The following FRK variants were observed in gnomAD, a reference collection of about 807,000 sequenced individuals.
FRK encodes the protein tyrosine-protein kinase FRK.
FRK carries 51 observed loss-of-function variants against 56.4 expected under a neutral mutation model. That is an observed-to-expected ratio of 0.90 (90% CI 0.72 to 1.14). FRK has a LOEUF of 1.14. Among genes scored for constraint, FRK ranks in the 50% most tolerant of loss-of-function variants. The pLI, the probability that FRK is intolerant of heterozygous loss-of-function variation, is 0.00. For missense variants in FRK, 570 were observed against 601.4 expected, an observed-to-expected ratio of 0.95 and a Z score of 0.55; for synonymous variants, 245 against 217.9, an observed-to-expected ratio of 1.12 and a Z score of -1.10.
Position 115,958,820 on chromosome 6 carries a change from A to AAG in FRK, c.800-2211_800-2210insCT, listed in dbSNP as rs147739302. On this transcript the variant is annotated intron_variant, in intron 4 of 7. Transcript: ENST00000606080. ...AGAAAAAGAAAGAAAGAAAGAAAGA[A>AAG]AAAGAAAGAAAGAAAGAAAGAGAAA... Among the ~76,000 whole-genome samples the AAG allele has an allele frequency of 4.8e-4, 64 of 132,686 alleles. 2 individuals are homozygous for AAG. The highest frequency in any genetic ancestry group is 1.7e-3 in the African/African-American group (58 of 34,952). 87.0% of individuals were successfully genotyped at this position (132,686 alleles called of 152,430 possible).
the FRK span, among the ~76,000 whole-genome samples, chr6:116,076,811 C>G: frequency 6.6e-6 from 1 of 152,166 alleles, no homozygotes; most frequent in Non-Finnish European, 1.5e-5. Context: ...CACTGATTCT[C>G]TAAGTTAAAA....
chr6:116,053,095 T>A (rs1303411159), intron 1 of FRK, among the ~76,000 whole-genome samples: 1 of 151,974 alleles, frequency 6.6e-6, no homozygotes. Context: ...CATTACAGAG[T>A]CAAATTCAAA....
At chr6:115,969,705 A>T (rs1582662515) in intron 2 of FRK, among the ~76,000 whole-genome samples, 1 of 152,006 alleles carries the variant, frequency 6.6e-6, no homozygotes, top group Non-Finnish European at 1.5e-5. Flanking sequence ...TACTGATGGG[A>T]GTTTGGAGCT....
intron 1 of FRK, among the ~76,000 whole-genome samples, chr6:116,025,903 G>T (rs760462212): frequency 6.6e-6 from 1 of 152,074 alleles, no homozygotes; most frequent in Non-Finnish European, 1.5e-5. Flanking sequence ...ATGGCCTCTG[G>T]CCTCAGTTTC....
At chr6:116,000,245 TTTTTTTTTTTTTTTTGA>T (rs543209263) in intron 2 of FRK, among the ~76,000 whole-genome samples, 38,433 of 105,102 alleles carry the variant, frequency 0.37, 6,416 homozygotes, top group Middle Eastern at 0.46. Context: ...TTTTTTTTTT[TTTTTTTTTTTTTTTTGA>T]GACGGAGTCT....
intron 2 of FRK, among the ~76,000 whole-genome samples, chr6:115,990,851 A>T (rs1322082593): frequency 6.6e-6 from 1 of 151,820 alleles, no homozygotes; most frequent in Non-Finnish European, 1.5e-5. Context: ...GAATTTGTAG[A>T]TTGCCTTGGG....
rs568521527 is a variant in FRK, at chr6:115,937,490, G to A, written c.*4924C>T. On this transcript the variant is annotated 3_prime_UTR_variant, in exon 8 of 8. Transcript: ENST00000606080. ...ACACATAACAATACTAACCTTAAAT[G>A]TAAACAGGCTGAATGCCCCAAGTAA... The A allele has an allele frequency of 6.6e-6, 1 of 152,268 alleles. No homozygotes were observed. The highest frequency in any genetic ancestry group is 1.5e-5 in the Non-Finnish European group (1 of 68,016). 9.4% of individuals were successfully genotyped at this position (152,268 alleles called of 1,614,324 possible).
At chr6:116,064,818 AT>A (rs1777729917), upstream of FRK, among the ~76,000 whole-genome samples, 1 of 152,160 alleles carries the variant, frequency 6.6e-6, no homozygotes, top group Admixed American at 6.6e-5. Flanking sequence ...AGGCTAAGGA[AT>A]TTGTACTTTA....
At chr6:115,955,593 C>A (rs2114554366) in intron 5 of FRK, among the ~76,000 whole-genome samples, 1 of 152,188 alleles carries the variant, frequency 6.6e-6, no homozygotes, top group Non-Finnish European at 1.5e-5. Context: ...CTTTGTTATT[C>A]TTATCTTGTT....
chr6:116,034,756 C>T (rs1040062323), intron 1 of FRK, among the ~76,000 whole-genome samples: 2 of 151,990 alleles, frequency 1.3e-5, no homozygotes, highest in African/African-American at 4.8e-5. Flanking sequence ...AGAAGTTTTA[C>T]CCTGGATACT....
the FRK span, among the ~76,000 whole-genome samples, chr6:116,070,082 G>A: frequency 6.8e-6 from 1 of 147,814 alleles, no homozygotes; most frequent in African/African-American, 2.5e-5. Context: ...ATATTTTAAA[G>A]ACCAACTTAT....
chr6:116,019,970 G>C (rs1582720677), intron 1 of FRK, among the ~76,000 whole-genome samples: 1 of 152,112 alleles, frequency 6.6e-6, no homozygotes, highest in East Asian at 1.9e-4. Flanking sequence ...TTTGAAAACA[G>C]AAAGCAAAAT....
At position 115,959,224 on chromosome 6, in the gene FRK, G is replaced by A. The variant is rs567300911; in HGVS notation, c.800-2614C>T. Reference sequence around the variant, plus strand: ...TATTGATTAATGGCCCCAGTGAAGTGAAGACATTTAACCAATCACTAAAGC... The same window carrying A: ...TATTGATTAATGGCCCCAGTGAAGTAAAGACATTTAACCAATCACTAAAGC... On this transcript the variant is annotated intron_variant, in intron 4 of 7. Transcript: ENST00000606080. 4.6e-5 allele frequency among the ~76,000 whole-genome samples: 7 copies of A among 152,328 alleles called. No homozygotes were observed. The South Asian group carries it at 1.2e-3, about 27-fold the overall frequency.
At chr6:115,983,565 A>G (rs1196166925) in intron 2 of FRK, among the ~76,000 whole-genome samples, 1 of 152,092 alleles carries the variant, frequency 6.6e-6, no homozygotes. Flanking sequence ...CAAAATTTCA[A>G]TTCACATTAT....
At chr6:116,029,543 TTC>T (rs1475873179) in intron 1 of FRK, among the ~76,000 whole-genome samples, 15 of 152,186 alleles carry the variant, frequency 9.9e-5, no homozygotes, top group Non-Finnish European at 2.2e-4. Flanking sequence ...CATTTTTTTA[TTC>T]TCTCTTTGCT....
In FRK at chr6:116,021,106, T is replaced by A. The variant is rs992147670; in HGVS notation, c.345-17108A>T. The stretch of plus-strand genomic sequence containing the variant: ...AGAAACTAAAAAGATGAATTATAAA[T>A]GTTTTAAATGCTGAGAAACATTTTA... On this transcript the variant is annotated intron_variant, in intron 1 of 7. Transcript: ENST00000606080. Among the ~76,000 whole-genome samples the A allele has an allele frequency of 1.1e-4, 16 of 151,978 alleles. No homozygotes were observed. In the South Asian group the frequency reaches 1.7e-3, roughly 16 times the overall value.
chr6:115,942,282 T>C lies in FRK; in HGVS notation c.*132A>G. 1.4e-6 allele frequency: 1 copy of C among 728,836 alleles called. No individual in the cohort carries two copies. The highest frequency in any genetic ancestry group is 2.3e-6 in the Non-Finnish European group (1 of 440,066). The allele number at this position is 728,836 out of a possible 1,614,324, so 45.1% of individuals were successfully genotyped here. A position where few individuals can be genotyped will look rare whatever the true frequency, so the allele number is the denominator to read the frequency against. On this transcript the variant is annotated 3_prime_UTR_variant, in exon 8 of 8. Transcript: ENST00000606080. Reference sequence around the variant, plus strand: ...CACAAATAATCTTTTTCATAATACATGGCCAACTTTATCCTATCACTTGAA... The same window carrying C: ...CACAAATAATCTTTTTCATAATACACGGCCAACTTTATCCTATCACTTGAA...
At chr6:115,955,220 G>A (rs767862099) in intron 5 of FRK, among the ~76,000 whole-genome samples, 2 of 152,166 alleles carry the variant, frequency 1.3e-5, no homozygotes, top group Non-Finnish European at 2.9e-5. Context: ...GAACCACCAA[G>A]AAAGGAAGGA....
At chr6:116,058,910 C>CA (rs3049930) in intron 1 of FRK, among the ~76,000 whole-genome samples, 8,660 of 78,132 alleles carry the variant, frequency 0.11, 646 homozygotes, top group Admixed American at 0.19. Context: ...GACTCCGTCT[C>CA]AAAAAAAAAA....
Sources: gnomAD v4.1 joint callset for allele counts (sites outside exome capture counted in the v4.1 genomes callset) on GRCh38, gnomAD v4.1.1 for gene constraint, MANE v1.5 for transcripts, NCBI Gene and HGNC (gene_info 2026-07-23, HGNC 2026-07-21) for gene names.